PAK5: variants seen among roughly 807,000 people sequenced by gnomAD.
PAK5 encodes the protein serine/threonine-protein kinase PAK 5.
A neutral mutation model predicts 65.9 loss-of-function variants in PAK5; 16 were observed. That is an observed-to-expected ratio of 0.24 (90% CI 0.16 to 0.37). The LOEUF (loss-of-function observed/expected upper bound fraction) is 0.37, where lower values mean the gene tolerates loss of function less well. PAK5 is among the 10% of genes least tolerant of loss of function. The pLI is 1.00. For synonymous variants in PAK5, 371 were observed against 354.9 expected, an observed-to-expected ratio of 1.05 and a Z score of -0.51; for missense variants, 785 against 903.9, an observed-to-expected ratio of 0.87 and a Z score of 1.69.
In PAK5 at chr20:9,583,908, A is replaced by C. The variant is rs561726795; in HGVS notation, c.205-2978T>G. 2.0e-5 allele frequency among the ~76,000 whole-genome samples: 3 copies of C among 152,304 alleles called. No individual in the cohort carries two copies. The South Asian group carries it at 6.2e-4, about 32-fold the overall frequency. ...CCTTTCAGCTTGACTTCTTTCACTGAGCATAATATAGTCAGTGTTCATAAA... is the reference window on the plus strand; with the variant it reads ...CCTTTCAGCTTGACTTCTTTCACTGCGCATAATATAGTCAGTGTTCATAAA... On this transcript the variant is annotated intron_variant, in intron 3 of 9. Coordinates refer to ENST00000353224, the MANE Select transcript of PAK5 (RefSeq NM_177990.4).
chr20:9,683,023 C>T (rs1217478996), intron 2 of PAK5, among the ~76,000 whole-genome samples: 2 of 152,258 alleles, frequency 1.3e-5, no homozygotes, highest in Non-Finnish European at 2.9e-5. Context: ...ACTCTCAGAA[C>T]ACTTGGATAC....
chr20:9,760,945 T>C (rs559281294), intron 1 of PAK5, among the ~76,000 whole-genome samples: 1 of 152,212 alleles, frequency 6.6e-6, no homozygotes, highest in South Asian at 2.1e-4. Flanking sequence ...AAGTGAAACA[T>C]TGATACTCTT....
At chr20:9,725,193 C>G (rs1329507804) in intron 1 of PAK5, among the ~76,000 whole-genome samples, 1 of 152,008 alleles carries the variant, frequency 6.6e-6, no homozygotes, top group African/African-American at 2.4e-5. Flanking sequence ...GCTTCATAAG[C>G]CCTGCAACAT....
At chr20:9,736,806 T>C (rs2048394470) in intron 1 of PAK5, among the ~76,000 whole-genome samples, 1 of 152,238 alleles carries the variant, frequency 6.6e-6, no homozygotes, top group African/African-American at 2.4e-5. Context: ...TGTTATTTTA[T>C]GTTCACAACT....
intron 1 of PAK5, among the ~76,000 whole-genome samples, chr20:9,833,279 T>C (rs1446630440): frequency 2.0e-5 from 3 of 152,226 alleles, no homozygotes; most frequent in Non-Finnish European, 4.4e-5. Flanking sequence ...GACCTAAATC[T>C]GTTTCCAGGC....
chr20:9,547,812 C>T (rs1343820047), intron 7 of PAK5, among the ~76,000 whole-genome samples: 3 of 152,248 alleles, frequency 2.0e-5, no homozygotes, highest in East Asian at 3.9e-4. Context: ...GAACCTCAAG[C>T]CCCACCCCAG....
intron 6 of PAK5, 120 bp downstream of exon 6, chr20:9,562,771 G>C: frequency 1.3e-6 from 1 of 796,418 alleles, no homozygotes; most frequent in East Asian, 2.4e-5. Flanking sequence ...AGGGGAAAGG[G>C]TAGTCATATT....
chr20:9,808,078 T>C (rs767607481), intron 1 of PAK5, among the ~76,000 whole-genome samples: 1 of 152,130 alleles, frequency 6.6e-6, no homozygotes, highest in Non-Finnish European at 1.5e-5. Context: ...AGTTGAGGTG[T>C]GTTCAGACAA....
intron 1 of PAK5, among the ~76,000 whole-genome samples, chr20:9,774,386 C>G (rs2048865427): frequency 6.6e-6 from 1 of 152,310 alleles, no homozygotes; most frequent in East Asian, 1.9e-4. Context: ...ATTACCATCC[C>G]TGGAGTTGGG....
At chr20:9,659,932 G>A (rs1197999344) in intron 2 of PAK5, among the ~76,000 whole-genome samples, 1 of 152,060 alleles carries the variant, frequency 6.6e-6, no homozygotes, top group Non-Finnish European at 1.5e-5. Context: ...CTTCATATTT[G>A]CTTCTCTATA....
intron 4 of PAK5, among the ~76,000 whole-genome samples, chr20:9,570,328 C>T (rs570572216): frequency 1.3e-5 from 2 of 152,174 alleles, no homozygotes; most frequent in Admixed American, 1.3e-4. Context: ...ATATATATTC[C>T]TATATATTAA....
At chr20:9,562,103 T>C (rs2045599851) in intron 6 of PAK5, among the ~76,000 whole-genome samples, 1 of 152,216 alleles carries the variant, frequency 6.6e-6, no homozygotes, top group African/African-American at 2.4e-5. Flanking sequence ...GCTCTCAAAA[T>C]CCATCTCAGA....
chr20:9,705,252 G>GA (rs1463730617), intron 2 of PAK5, among the ~76,000 whole-genome samples: 1 of 151,698 alleles, frequency 6.6e-6, no homozygotes, highest in Non-Finnish European at 1.5e-5. Context: ...AAAAAAAATG[G>GA]AAAAAAGATG....
intron 2 of PAK5, among the ~76,000 whole-genome samples, chr20:9,701,074 A>AC (rs1356424704): frequency 1.3e-5 from 2 of 151,612 alleles, no homozygotes. Context: ...AAAAGTTCTC[A>AC]CCCCCTGCCT....
chr20:9,838,891 G>C lies in PAK5; in HGVS notation c.-291C>G, dbSNP rs993977773. 2.6e-5 allele frequency: 4 copies of C among 152,424 alleles called. No individual in the cohort carries two copies. The highest frequency in any genetic ancestry group is 9.6e-5 in the African/African-American group (4 of 41,452). The allele number at this position is 152,424 out of a possible 1,614,324, so 9.4% of individuals were successfully genotyped here. ...CTACTACTGGCTGGGTAGGGGCAAG[G>C]GGGGCGGGGGCCAGCGGGAGGGGGT... On this transcript the variant is annotated 5_prime_UTR_variant, in exon 1 of 10. Transcript: ENST00000353224. This position sits in a 1 kb window ranked among gnomAD's most constrained non-coding sequence, Gnocchi z 4.5.
rs576622807 is a variant in PAK5 at position 9,642,085 on chromosome 20, G to A, written c.204+2040C>T. Among the ~76,000 whole-genome samples, 17 of 152,332 alleles carry A rather than the reference G, an allele frequency of 1.1e-4. No individual in the cohort carries two copies. In the South Asian group the frequency reaches 3.5e-3, roughly 32 times the overall value. On this transcript the variant is annotated intron_variant, in intron 3 of 9. Coordinates refer to ENST00000353224, the MANE Select transcript of PAK5 (RefSeq NM_177990.4). ...GGCTCCTCAAATGCCACCAAAGTGG[G>A]AGCCCAGGCAGGGGAGGTGCCGAGA...
intron 3 of PAK5, among the ~76,000 whole-genome samples, chr20:9,629,364 A>G (rs945103575): frequency 2.6e-5 from 4 of 152,192 alleles, no homozygotes; most frequent in African/African-American, 7.2e-5. Flanking sequence ...CATGAGTATT[A>G]GTTTGCTTGG....
intron 1 of PAK5, among the ~76,000 whole-genome samples, chr20:9,758,447 A>G (rs556343363): frequency 2.7e-4 from 41 of 152,264 alleles, no homozygotes; most frequent in African/African-American, 9.9e-4. Flanking sequence ...TCTCCTTCCT[A>G]TCCATGCCTA....
At chr20:9,715,170 A>G (rs1454376408) in intron 1 of PAK5, among the ~76,000 whole-genome samples, 1 of 152,228 alleles carries the variant, frequency 6.6e-6, no homozygotes, top group Non-Finnish European at 1.5e-5. Flanking sequence ...AATATCCACA[A>G]TCTACAAAGA....
Sources: allele counts gnomAD v4.1 joint callset (sites outside exome capture counted in the v4.1 genomes callset), GRCh38; gene constraint gnomAD v4.1.1; non-coding constraint Gnocchi (gnomAD v3.1); transcripts MANE v1.5; gene names NCBI Gene and HGNC (gene_info 2026-07-23, HGNC 2026-07-21).